Variants in RYR2 observed in about 807,000 individuals in gnomAD.
The protein encoded by RYR2 is ryanodine receptor 2, also known as cardiac muscle ryanodine receptor-calcium release channel.
A neutral mutation model predicts 601.1 loss-of-function variants in RYR2; 227 were observed. The ratio of observed to expected loss-of-function variants is 0.38; its 90% CI spans 0.34 to 0.42. The LOEUF (loss-of-function observed/expected upper bound fraction) is 0.42, where lower values mean the gene tolerates loss of function less well. Ranked by LOEUF, RYR2 falls within the 10% of genes least tolerant of loss-of-function variation. The pLI is 1.00. For missense variants in RYR2, 4,646 were observed against 6,156.5 expected (o/e 0.75, Z 8.21); for synonymous variants, 2,223 against 2,175.1 (o/e 1.02, Z -0.61).
intron 1 of RYR2, among the ~76,000 whole-genome samples, chr1:237,240,687 A>AC (rs1242812440): frequency 6.7e-6 from 1 of 149,702 alleles, no homozygotes; most frequent in Non-Finnish European, 1.5e-5. Context: ...AAAAAAAAAA[A>AC]AACAGTGGGT....
intron 49 of RYR2, among the ~76,000 whole-genome samples, chr1:237,648,973 G>A (rs954672534): frequency 1.3e-4 from 20 of 152,166 alleles, no homozygotes; most frequent in Non-Finnish European, 4.4e-5. Context: ...AAACAATTAT[G>A]CTTCTCAATA....
At chr1:237,231,701 G>A (rs1685017773) in intron 1 of RYR2, among the ~76,000 whole-genome samples, 1 of 152,264 alleles carries the variant, frequency 6.6e-6, no homozygotes, top group East Asian at 1.9e-4. Flanking sequence ...TGGATTTAGA[G>A]GAATCCCCAG....
chr1:237,403,190 A>G (rs1432563392), intron 10 of RYR2, among the ~76,000 whole-genome samples: 1 of 152,210 alleles, frequency 6.6e-6, no homozygotes, highest in Non-Finnish European at 1.5e-5. Flanking sequence ...AAGAAAAACT[A>G]TGACCCCTAA....
rs186237941 is a variant in RYR2, at chr1:237,647,866, T to C, written c.7343-578T>C. On this transcript the variant is annotated intron_variant, in intron 48 of 104. Transcript: ENST00000366574. ...ACTATAAGGAATTCACTAATCTCTA[T>C]AGGCATAAAGCTTTAAGTGTTGATA... 2.6e-5 allele frequency among the ~76,000 whole-genome samples: 4 copies of C among 152,348 alleles called. No individual in the cohort carries two copies. The East Asian group carries it at 7.7e-4, about 29-fold the overall frequency.
chr1:237,644,433 C>A (rs1681907788), intron 48 of RYR2, among the ~76,000 whole-genome samples: 1 of 151,896 alleles, frequency 6.6e-6, no homozygotes, highest in Admixed American at 6.6e-5. Flanking sequence ...AGGGTTTCAC[C>A]ATGTTAGCCA....
In RYR2 at chr1:237,147,067, C is replaced by A. The variant is rs1674078064; in HGVS notation, c.48+104498C>A. On this transcript the variant is annotated intron_variant, in intron 1 of 104. Transcript: ENST00000366574. ...ACTATGAGCAAACTTCAGGGTCAAT[C>A]AGACAATAGATATCTCATTATCTAT... Among the ~76,000 whole-genome samples the A allele has an allele frequency of 2.0e-5, 3 of 152,086 alleles. No individual in the cohort carries two copies. The South Asian group carries it at 6.2e-4, about 32-fold the overall frequency.
At chr1:237,385,834 A>T (rs1229420322) in intron 8 of RYR2, among the ~76,000 whole-genome samples, 1 of 152,254 alleles carries the variant, frequency 6.6e-6, no homozygotes, top group Non-Finnish European at 1.5e-5. Context: ...ACATTGCCAG[A>T]TGCTAGGAAC....
At position 237,832,690 on chromosome 1, in the gene RYR2, T is replaced by C; in HGVS notation, c.*43T>C. 1 of 1,078,368 alleles carries C rather than the reference T, an allele frequency of 9.3e-7. No individual in the cohort carries two copies. The highest frequency in any genetic ancestry group is 1.3e-5 in the South Asian group (1 of 74,160). 66.8% of individuals were successfully genotyped at this position (1,078,368 alleles called of 1,614,324 possible). A position where few individuals can be genotyped will look rare whatever the true frequency, so the allele number is the denominator to read the frequency against. On this transcript the variant is annotated 3_prime_UTR_variant, in exon 105 of 105. Coordinates refer to ENST00000366574, the MANE Select transcript of RYR2 (RefSeq NM_001035.3). ...TCTAAAAACCAAAACCCTACCCCTC[T>C]CTCTCCCTCTCTCAATTTCTCTGCT...
intron 1 of RYR2, among the ~76,000 whole-genome samples, chr1:237,255,025 G>T (rs915736144): frequency 7.9e-5 from 12 of 152,134 alleles, no homozygotes; most frequent in Non-Finnish European, 5.9e-5. Context: ...GGTATGAGAG[G>T]CTCAGGAAAA....
At chr1:237,511,520 A>T (rs1221013100) in intron 23 of RYR2, among the ~76,000 whole-genome samples, 168 bp from the exon 24 acceptor site, 3 of 152,012 alleles carry the variant, frequency 2.0e-5, no homozygotes, top group African/African-American at 7.2e-5. Context: ...TTTACCAGTG[A>T]CCTCAGATAC....
At chr1:237,310,442 AC>A (rs1483196249) in intron 2 of RYR2, among the ~76,000 whole-genome samples, 1 of 152,178 alleles carries the variant, frequency 6.6e-6, no homozygotes, top group Admixed American at 6.5e-5. Flanking sequence ...AAATATCTCC[AC>A]AGGTAGCTAC....
intron 47 of RYR2, among the ~76,000 whole-genome samples, chr1:237,641,467 GTCTGTCTTTCTTTCTTTCTT>G (rs71706260): frequency 0.27 from 31,880 of 117,080 alleles, 4,568 homozygotes; most frequent in Non-Finnish European, 0.35. Context: ...ATTAGTGTCT[GTCTGTCTTTCTTTCTTTCTT>G]TCTTTCTTTC....
At position 237,657,925 on chromosome 1, in the gene RYR2, G is replaced by A; in HGVS notation, c.8130-19G>A. The A allele has an allele frequency of 7.4e-7, 1 of 1,356,656 alleles. No homozygotes were observed. The highest frequency in any genetic ancestry group is 1.0e-6 in the Non-Finnish European group (1 of 991,050). 84.0% of individuals were successfully genotyped at this position (1,356,656 alleles called of 1,614,324 possible). On this transcript the variant is annotated intron_variant, in intron 53 of 104. Coordinates refer to ENST00000366574, the MANE Select transcript of RYR2 (RefSeq NM_001035.3). ...AATTCTGTGAAAATCAAGCTCTTTT[G>A]TCTTTACTTTTCTCATAGTATTACA...
intron 84 of RYR2, among the ~76,000 whole-genome samples, chr1:237,762,444 TC>T (rs34913750): frequency 1.3e-5 from 2 of 152,308 alleles, no homozygotes; most frequent in African/African-American, 4.8e-5. Context: ...AAGCCTGACT[TC>T]CCTGTCTTGG....
At chr1:237,795,132 G>T (rs1265816848) in intron 95 of RYR2, among the ~76,000 whole-genome samples, 157 bp from the exon 96 acceptor site, 1 of 152,042 alleles carries the variant, frequency 6.6e-6, no homozygotes, top group Non-Finnish European at 1.5e-5. Context: ...TACCTATGAT[G>T]CAGGAAATTA....
At chr1:237,742,414 C>A in intron 80 of RYR2, 65 bp downstream of exon 80, 1 of 1,147,254 alleles carries the variant, frequency 8.7e-7, no homozygotes. Flanking sequence ...TAGCTTATAA[C>A]TGACATTTAT....
intron 29 of RYR2, among the ~76,000 whole-genome samples, chr1:237,580,187 C>G (rs1476118270): frequency 8.8e-6 from 1 of 113,882 alleles, no homozygotes; most frequent in Non-Finnish European, 1.8e-5. Flanking sequence ...CGGAGTTTTG[C>G]TCTCGTTGCC....
intron 1 of RYR2, among the ~76,000 whole-genome samples, chr1:237,094,579 T>C (rs1275289586): frequency 6.6e-6 from 1 of 152,162 alleles, no homozygotes; most frequent in Non-Finnish European, 1.5e-5. Context: ...TAAATATTAT[T>C]ATTATTATTT....
At chr1:237,486,933 A>G (rs1572547151) in intron 17 of RYR2, among the ~76,000 whole-genome samples, 1 of 152,154 alleles carries the variant, frequency 6.6e-6, no homozygotes. Context: ...TACATTGATT[A>G]TTATATATTT....
Sources: allele counts gnomAD v4.1 joint callset (sites outside exome capture counted in the v4.1 genomes callset), GRCh38; gene constraint gnomAD v4.1.1; transcripts MANE v1.5; gene names NCBI Gene and HGNC (gene_info 2026-07-23, HGNC 2026-07-21).